Variants in ZNG1E observed in about 807,000 individuals in gnomAD.
ZNG1E encodes Zn regulated GTPase metalloprotein activator 1E, also known as zinc-regulated GTPase metalloprotein activator 1E.
At chr9:65,658,157 TAAAAGTA>T in the ZNG1E span, among the ~76,000 whole-genome samples, 601 of 148,036 alleles carry the variant, frequency 4.1e-3, no homozygotes, top group African/African-American at 0.014. Context: ...TATGTACCAA[TAAAAGTA>T]AAAAGTAAAA....
At chr9:65,710,637 T>G in the ZNG1E span, among the ~76,000 whole-genome samples, 1 of 152,058 alleles carries the variant, frequency 6.6e-6, no homozygotes, top group Non-Finnish European at 1.5e-5. Flanking sequence ...CTTGTTTTTC[T>G]CAGGTTTGTC....
the ZNG1E span, among the ~76,000 whole-genome samples, chr9:65,666,260 G>T: frequency 6.6e-6 from 1 of 150,428 alleles, no homozygotes; most frequent in African/African-American, 2.4e-5. Flanking sequence ...ACTGAATCAT[G>T]GGGGCAGGCC....
chr9:65,658,581 A>G, the ZNG1E span, among the ~76,000 whole-genome samples: 1 of 37,524 alleles, frequency 2.7e-5, no homozygotes, highest in Non-Finnish European at 5.0e-5. Context: ...TACTTGAGTG[A>G]AAAAAAAAAA....
At chr9:65,671,405 C>T in the ZNG1E span, among the ~76,000 whole-genome samples, 2 of 151,904 alleles carry the variant, frequency 1.3e-5, no homozygotes, top group African/African-American at 2.4e-5. Context: ...ACTTCAACCT[C>T]ACCTTTCGGG....
chr9:65,668,477 T>A, the ZNG1E span, among the ~76,000 whole-genome samples: 1 of 150,710 alleles, frequency 6.6e-6, no homozygotes, highest in Non-Finnish European at 1.5e-5. Context: ...ATACATAATT[T>A]ATATATAAAT....
chr9:65,686,130 G>A, the ZNG1E span, among the ~76,000 whole-genome samples: 1 of 135,834 alleles, frequency 7.4e-6, no homozygotes, highest in Admixed American at 7.8e-5. Context: ...TAGAAAACAG[G>A]CAGAGGAGAT....
the ZNG1E span, among the ~76,000 whole-genome samples, chr9:65,672,422 A>G: frequency 6.6e-6 from 1 of 151,192 alleles, no homozygotes. Flanking sequence ...CAATTTAACA[A>G]TTTAACAATT....
At chr9:65,733,481 A>ATCCCC in the ZNG1E span, 1 of 1,061,164 alleles carries the variant, frequency 9.4e-7, no homozygotes, top group Non-Finnish European at 1.4e-6. Flanking sequence ...AGCATAATGT[A>ATCCCC]ATCACGTCAT....
the ZNG1E span, among the ~76,000 whole-genome samples, chr9:65,678,081 CTA>C: frequency 1.3e-5 from 2 of 149,260 alleles, no homozygotes; most frequent in Admixed American, 1.3e-4. Context: ...AATGAATGAA[CTA>C]TGTCTTAAAG....
At chr9:65,666,838 G>A in the ZNG1E span, among the ~76,000 whole-genome samples, 3 of 151,730 alleles carry the variant, frequency 2.0e-5, no homozygotes, top group Non-Finnish European at 4.4e-5. Context: ...TTTTCCTTTG[G>A]AGATGGAGTT....
chr9:65,678,944 TGTA>T, the ZNG1E span, among the ~76,000 whole-genome samples: 1 of 135,324 alleles, frequency 7.4e-6, no homozygotes, highest in African/African-American at 3.0e-5. Context: ...TGTTTCAACT[TGTA>T]GGAGTGTTTG....
At chr9:65,714,357 G>C in the ZNG1E span, among the ~76,000 whole-genome samples, 3 of 151,408 alleles carry the variant, frequency 2.0e-5, no homozygotes, top group East Asian at 3.8e-4. Context: ...TTCTCAGCTC[G>C]TCAAAGTCAT....
the ZNG1E span, among the ~76,000 whole-genome samples, chr9:65,661,043 G>A: frequency 6.0e-4 from 88 of 147,418 alleles, no homozygotes; most frequent in African/African-American, 2.0e-3. Flanking sequence ...TGGAAACTTG[G>A]GCCATGTACT....
At chr9:65,719,974 G>A in the ZNG1E span, 1 of 1,575,924 alleles carries the variant, frequency 6.3e-7, no homozygotes, top group Non-Finnish European at 8.6e-7. Context: ...TTATCCTTGT[G>A]TCACTAAACG....
the ZNG1E span, among the ~76,000 whole-genome samples, chr9:65,691,383 C>G: frequency 3.3e-5 from 5 of 151,532 alleles, no homozygotes; most frequent in East Asian, 9.6e-4. Context: ...CACCCTGCCT[C>G]TTTTGTTTTT....
At chr9:65,663,128 G>C in the ZNG1E span, among the ~76,000 whole-genome samples, 1 of 152,264 alleles carries the variant, frequency 6.6e-6, no homozygotes, top group Non-Finnish European at 1.5e-5. Context: ...CTCTGTTTCT[G>C]TTATATTATA....
the ZNG1E span, among the ~76,000 whole-genome samples, chr9:65,715,147 A>T: frequency 1.3e-5 from 2 of 148,748 alleles, no homozygotes; most frequent in South Asian, 2.2e-4. Context: ...TTCTGGTGGG[A>T]GTGACCCAAT....
At chr9:65,681,373 G>T in the ZNG1E span, among the ~76,000 whole-genome samples, 1 of 152,366 alleles carries the variant, frequency 6.6e-6, no homozygotes, top group East Asian at 1.9e-4. Context: ...CTTTTTTCAG[G>T]GCTTAAGTCA....
At chr9:65,709,248 G>T in the ZNG1E span, among the ~76,000 whole-genome samples, 1 of 147,644 alleles carries the variant, frequency 6.8e-6, no homozygotes, top group Non-Finnish European at 1.5e-5. Flanking sequence ...ATGAGAAAAT[G>T]CATGAAATAC....
Sources: gnomAD v4.1 joint callset for allele counts (sites outside exome capture counted in the v4.1 genomes callset) on GRCh38, gnomAD v4.1.1 for gene constraint, MANE v1.5 for transcripts, NCBI Gene and HGNC (gene_info 2026-07-23, HGNC 2026-07-21) for gene names.